PARD3: variants seen among roughly 807,000 people sequenced by gnomAD.
The protein encoded by PARD3 is par-3 family cell polarity regulator.
A neutral mutation model predicts 155.4 loss-of-function variants in PARD3; 75 were observed. That is an observed-to-expected ratio of 0.48 (90% CI 0.40 to 0.58). The LOEUF (loss-of-function observed/expected upper bound fraction) is 0.58. Ranked by LOEUF, PARD3 falls within the 20% of genes least tolerant of loss-of-function variation. The probability of loss-of-function intolerance (pLI) is 0.00; values close to 1 mark genes in which losing one functional copy is unlikely to be tolerated. For synonymous variants in PARD3, 576 were observed against 610.5 expected (o/e 0.94, Z 0.83); for missense variants, 1,642 against 1,721.7 (o/e 0.95, Z 0.82).
In PARD3 at chr10:34,348,727, TA is replaced by T. The variant is rs1183196248; in HGVS notation, c.2068-613del. Among the ~76,000 whole-genome samples, 5 of 152,344 alleles carry T rather than the reference TA, an allele frequency of 3.3e-5. No homozygotes were observed. The South Asian group carries it at 1.0e-3, about 32-fold the overall frequency. ...TTTACTGTAATGTTTAAGTACAAGA[TA>T]GTAGCTGCAATAATCACTTCAGTAG... On this transcript the variant is annotated intron_variant, in intron 14 of 24. Transcript: ENST00000374788.
At chr10:34,410,942 G>A (rs1321953098) in intron 5 of PARD3, among the ~76,000 whole-genome samples, 1 of 152,202 alleles carries the variant, frequency 6.6e-6, no homozygotes, top group African/African-American at 2.4e-5. Context: ...CACTTCCATA[G>A]GTCTAGGGAG....
At chr10:34,123,943 T>C (rs893824766) in intron 23 of PARD3, among the ~76,000 whole-genome samples, 8 of 152,198 alleles carry the variant, frequency 5.3e-5, no homozygotes, top group Admixed American at 3.9e-4. Context: ...AATATGCGAG[T>C]GTGCTGCCAC....
chr10:34,515,891 T>C (rs1428306080), intron 3 of PARD3, among the ~76,000 whole-genome samples: 3 of 152,028 alleles, frequency 2.0e-5, no homozygotes, highest in Admixed American at 1.3e-4. Context: ...TACCAATCAG[T>C]AAAGACACGT....
chr10:34,583,398 C>T (rs1352777760), intron 2 of PARD3, among the ~76,000 whole-genome samples: 1 of 152,104 alleles, frequency 6.6e-6, no homozygotes, highest in Non-Finnish European at 1.5e-5. Context: ...GATACATGTG[C>T]TCCCTGCTTT....
chr10:34,802,256 TAACACTGGA>T (rs1842892112), intron 1 of PARD3, among the ~76,000 whole-genome samples: 1 of 151,580 alleles, frequency 6.6e-6, no homozygotes, highest in Admixed American at 6.6e-5. Context: ...GCATACATAC[TAACACTGGA>T]ATTTCTAAAG....
intron 4 of PARD3, among the ~76,000 whole-genome samples, chr10:34,465,021 C>T (rs906789937): frequency 1.3e-5 from 2 of 152,166 alleles, no homozygotes; most frequent in African/African-American, 4.8e-5. Context: ...CATGCACATC[C>T]TCCCATATAG....
At chr10:34,311,487 T>C (rs1327575155) in intron 20 of PARD3, among the ~76,000 whole-genome samples, 1 of 152,198 alleles carries the variant, frequency 6.6e-6, no homozygotes, top group Non-Finnish European at 1.5e-5. Context: ...AATTAAGGCT[T>C]CTTACAAGAG....
At chr10:34,354,943 C>A (rs1205295683) in intron 14 of PARD3, among the ~76,000 whole-genome samples, 2 of 152,144 alleles carry the variant, frequency 1.3e-5, no homozygotes, top group Non-Finnish European at 2.9e-5. Flanking sequence ...AGCCTGATTG[C>A]AGAGAAAACC....
chr10:34,611,975 C>T (rs1211474281), intron 2 of PARD3, among the ~76,000 whole-genome samples: 7 of 143,154 alleles, frequency 4.9e-5, no homozygotes, highest in African/African-American at 2.6e-5. Flanking sequence ...TACAGGCACC[C>T]GCCACCACGC....
intron 2 of PARD3, among the ~76,000 whole-genome samples, chr10:34,666,260 GTA>G (rs1462860498): frequency 2.7e-5 from 4 of 149,404 alleles, no homozygotes; most frequent in Non-Finnish European, 3.0e-5. Context: ...CCCCATTTAA[GTA>G]TAGAAGGTAT....
chr10:34,346,280 C>T, intron 15 of PARD3: 1 of 1,228,388 alleles, frequency 8.1e-7, no homozygotes, highest in South Asian at 1.5e-5. Context: ...CTCTTCAACT[C>T]ATATATACAG....
chr10:34,745,464 G>A (rs554676228), intron 1 of PARD3, among the ~76,000 whole-genome samples: 1 of 137,456 alleles, frequency 7.3e-6, no homozygotes, highest in Non-Finnish European at 1.6e-5. Context: ...GAAAGAGAGA[G>A]GGAAAGAGAG....
Position 34,792,651 on chromosome 10 carries a change from G to A in PARD3, c.120+22225C>T, listed in dbSNP as rs1007313960. 3.3e-5 allele frequency among the ~76,000 whole-genome samples: 5 copies of A among 152,116 alleles called. No homozygotes were observed. In the South Asian group the frequency reaches 8.3e-4, roughly 25 times the overall value. ...TGTTCTGTCTACCTAGGAACAAGTC[G>A]CCACCCGCTGGAGCTGCACCTGCAC... On this transcript the variant is annotated intron_variant, in intron 1 of 24. Transcript: ENST00000374788.
At chr10:34,495,728 G>C (rs377569799) in intron 3 of PARD3, among the ~76,000 whole-genome samples, 1 of 151,666 alleles carries the variant, frequency 6.6e-6, no homozygotes, top group Non-Finnish European at 1.5e-5. Flanking sequence ...GAGGGGTCTG[G>C]TTATTCAAAT....
chr10:34,508,896 C>T (rs937794763), intron 3 of PARD3, among the ~76,000 whole-genome samples: 6 of 152,164 alleles, frequency 3.9e-5, no homozygotes, highest in African/African-American at 1.4e-4. Context: ...TAGTGCTTCT[C>T]CTGTGTCACA....
intron 2 of PARD3, among the ~76,000 whole-genome samples, chr10:34,540,004 C>G (rs1439639538): frequency 6.6e-6 from 1 of 152,172 alleles, no homozygotes; most frequent in Non-Finnish European, 1.5e-5. Flanking sequence ...AAAAGGAGTT[C>G]TAGAAAACCA....
intron 12 of PARD3, among the ~76,000 whole-genome samples, chr10:34,363,202 C>A (rs1207982394): frequency 2.0e-5 from 3 of 152,156 alleles, no homozygotes; most frequent in Non-Finnish European, 4.4e-5. Flanking sequence ...ATTTTTCCTA[C>A]TTGAAAGATC....
chr10:34,706,747 T>A (rs35081978), intron 1 of PARD3, among the ~76,000 whole-genome samples: 39,907 of 151,804 alleles, frequency 0.26, 5,466 homozygotes, highest in South Asian at 0.37. Flanking sequence ...GGTAACAAAG[T>A]GAAACCTTGT....
chr10:34,514,384 A>G (rs1268819446), intron 3 of PARD3, among the ~76,000 whole-genome samples: 1 of 152,216 alleles, frequency 6.6e-6, no homozygotes, highest in Non-Finnish European at 1.5e-5. Context: ...GGCCTTATTA[A>G]CTCAACCCAG....
Sources: allele counts gnomAD v4.1 joint callset (sites outside exome capture counted in the v4.1 genomes callset), GRCh38; gene constraint gnomAD v4.1.1; transcripts MANE v1.5; gene names NCBI Gene and HGNC (gene_info 2026-07-23, HGNC 2026-07-21).